The following RSPO2 variants were observed in gnomAD, a reference collection of about 807,000 sequenced individuals.
The protein encoded by RSPO2 is R-spondin 2.
A neutral mutation model predicts 30.9 loss-of-function variants in RSPO2; 14 were observed. The ratio of observed to expected loss-of-function variants is 0.45; its 90% CI spans 0.30 to 0.71. The LOEUF (loss-of-function observed/expected upper bound fraction) is 0.71. RSPO2 is among the 30% of genes least tolerant of loss of function. RSPO2 has a pLI of 0.08. For synonymous variants in RSPO2, 107 were observed against 96.4 expected (o/e 1.11, Z -0.64); for missense variants, 264 against 301.9 (o/e 0.87, Z 0.93).
intron 3 of RSPO2, among the ~76,000 whole-genome samples, chr8:107,978,513 T>C (rs1040056289): frequency 3.9e-5 from 6 of 152,096 alleles, no homozygotes; most frequent in Non-Finnish European, 7.4e-5. Context: ...TCCTTACACC[T>C]TATACAAAAA....
At chr8:107,928,177 A>AC (rs1812444962) in intron 5 of RSPO2, among the ~76,000 whole-genome samples, 1 of 152,036 alleles carries the variant, frequency 6.6e-6, no homozygotes, top group East Asian at 1.9e-4. Context: ...TGAACTCTGA[A>AC]CCCCCTTCTG....
rs991904285 is a variant in RSPO2 at position 107,899,784 on chromosome 8, G to GTGTT, written c.*1287_*1290dup. 3 of 152,182 alleles carry GTGTT rather than the reference G, an allele frequency of 2.0e-5. No individual in the cohort carries two copies. Among genetic ancestry groups the GTGTT allele is most frequent in the Admixed American group, 1.3e-4 (2 of 15,284 alleles). The allele number at this position is 152,182 out of a possible 1,614,324, so 9.4% of individuals were successfully genotyped here. ...CTGGTTCCCCTAAAAGGACAATGAT[G>GTGTT]TGTTTGAAACAACTGCTCTGAAAGT... On this transcript the variant is annotated 3_prime_UTR_variant, in exon 6 of 6. Coordinates refer to ENST00000276659, the MANE Select transcript of RSPO2 (RefSeq NM_178565.5).
At chr8:108,061,815 C>T (rs1307795329) in intron 2 of RSPO2, among the ~76,000 whole-genome samples, 2 of 151,778 alleles carry the variant, frequency 1.3e-5, no homozygotes, top group Admixed American at 6.6e-5. Context: ...TGTAAAAGAA[C>T]AGAAATTATA....
intron 5 of RSPO2, among the ~76,000 whole-genome samples, chr8:107,911,143 T>C (rs1489122707): frequency 1.3e-5 from 2 of 152,224 alleles, no homozygotes; most frequent in Non-Finnish European, 2.9e-5. Flanking sequence ...TTCAGCTTTG[T>C]ACATGGTCTA....
At chr8:107,927,071 T>C (rs1297286413) in intron 5 of RSPO2, among the ~76,000 whole-genome samples, 1 of 152,172 alleles carries the variant, frequency 6.6e-6, no homozygotes, top group South Asian at 2.1e-4. Flanking sequence ...TTTTATTTCA[T>C]TGAGCAGTGG....
At chr8:108,013,384 G>GGAT (rs1807244384) in intron 2 of RSPO2, among the ~76,000 whole-genome samples, 1 of 152,156 alleles carries the variant, frequency 6.6e-6, no homozygotes, top group Non-Finnish European at 1.5e-5. Context: ...TCTCCCCATT[G>GGAT]GATGGGGCTT....
intron 5 of RSPO2, among the ~76,000 whole-genome samples, chr8:107,955,179 C>T (rs920199424): frequency 6.6e-6 from 1 of 152,142 alleles, no homozygotes; most frequent in African/African-American, 2.4e-5. Context: ...GTCTCTTCCT[C>T]ACCTTCATAT....
At chr8:108,025,778 T>C (rs1811198044) in intron 2 of RSPO2, among the ~76,000 whole-genome samples, 1 of 152,072 alleles carries the variant, frequency 6.6e-6, no homozygotes, top group Non-Finnish European at 1.5e-5. Flanking sequence ...CACTTCAGCC[T>C]CCCAAGGTGG....
chr8:108,008,444 A>T (rs1815533896), intron 2 of RSPO2, among the ~76,000 whole-genome samples: 1 of 152,096 alleles, frequency 6.6e-6, no homozygotes, highest in Admixed American at 6.5e-5. Context: ...AGCTCCACAA[A>T]GGGCAGAAGA....
chr8:108,082,678 A>G lies in RSPO2; in HGVS notation c.-40T>C. On this transcript the variant is annotated 5_prime_UTR_variant, in exon 2 of 6. Coordinates refer to ENST00000276659, the MANE Select transcript of RSPO2 (RefSeq NM_178565.5). ...GGGGGAGAGACGCCTCTCAAAGTCT[A>G]GGAACTGGAGGGTTCGCCCAAAGAG... is the stretch of plus-strand genomic sequence containing the variant. The G allele has an allele frequency of 1.3e-6, 2 of 1,548,380 alleles. No individual in the cohort carries two copies. The highest frequency in any genetic ancestry group is 1.4e-5 in the African/African-American group (1 of 73,688).
chr8:107,917,465 A>T (rs1812018488), intron 5 of RSPO2, among the ~76,000 whole-genome samples: 1 of 152,206 alleles, frequency 6.6e-6, no homozygotes, highest in South Asian at 2.1e-4. Flanking sequence ...AGCCAAAAAA[A>T]TAAAATAAAA....
At chr8:108,022,802 G>A (rs571688129) in intron 2 of RSPO2, among the ~76,000 whole-genome samples, 1 of 152,022 alleles carries the variant, frequency 6.6e-6, no homozygotes, top group East Asian at 1.9e-4. Flanking sequence ...GCGCATGCCT[G>A]TAATCTCAGC....
At position 108,029,054 on chromosome 8, in the gene RSPO2, CTTTTTTTTTTTTTTTTTTTTTTTTTTT is replaced by C. The variant is rs71308771; in HGVS notation, c.95-39837_95-39811del. ...AACTTGGGTAACTGTTAACATGAGT[CTTTTTTTTTTTTTTTTTTTTTTTTTTT>C]TTTTTTTTTTTGCCTAAAAAGGAAA... On this transcript the variant is annotated intron_variant, in intron 2 of 5. Coordinates refer to ENST00000276659, the MANE Select transcript of RSPO2 (RefSeq NM_178565.5). 2.7e-4 allele frequency among the ~76,000 whole-genome samples: 7 copies of C among 26,170 alleles called. No homozygotes were observed. The Admixed American group carries it at 4.6e-3, about 17-fold the overall frequency. The allele number at this position is 26,170 out of a possible 152,430, so 17.2% of individuals were successfully genotyped here.
At chr8:108,037,119 C>T (rs1006060276) in intron 2 of RSPO2, among the ~76,000 whole-genome samples, 8 of 151,976 alleles carry the variant, frequency 5.3e-5, no homozygotes, top group South Asian at 2.1e-4. Flanking sequence ...AAAAACTAGA[C>T]GTGATTAAGC....
At chr8:108,074,814 A>G (rs1053607728) in intron 2 of RSPO2, among the ~76,000 whole-genome samples, 1 of 152,214 alleles carries the variant, frequency 6.6e-6, no homozygotes, top group Admixed American at 6.5e-5. Flanking sequence ...ACACGTTTCT[A>G]TAAGCAGCTC....
chr8:107,933,030 T>TA (rs1461127185), intron 5 of RSPO2, among the ~76,000 whole-genome samples: 2 of 152,166 alleles, frequency 1.3e-5, no homozygotes, highest in African/African-American at 4.8e-5. Context: ...GGACAGATCC[T>TA]AGAGAGCCTT....
intron 5 of RSPO2, among the ~76,000 whole-genome samples, chr8:107,936,590 G>A (rs887113642): frequency 6.6e-6 from 1 of 152,150 alleles, no homozygotes; most frequent in South Asian, 2.1e-4. Context: ...TGGTATAGAA[G>A]CATTCCCTTT....
At chr8:107,934,384 T>A (rs1047459228) in intron 5 of RSPO2, among the ~76,000 whole-genome samples, 21 of 152,128 alleles carry the variant, frequency 1.4e-4, no homozygotes, top group African/African-American at 4.6e-4. Flanking sequence ...TTTTTTTTTT[T>A]TTTATTAGAC....
chr8:107,976,289 C>G (rs987998629), intron 3 of RSPO2, among the ~76,000 whole-genome samples: 2 of 152,140 alleles, frequency 1.3e-5, no homozygotes, highest in Non-Finnish European at 2.9e-5. Context: ...CCAAGAGAAG[C>G]TGCATGGTTT....
Sources: gnomAD v4.1 joint callset for allele counts (sites outside exome capture counted in the v4.1 genomes callset) on GRCh38, gnomAD v4.1.1 for gene constraint, MANE v1.5 for transcripts, NCBI Gene and HGNC (gene_info 2026-07-23, HGNC 2026-07-21) for gene names.